Variants in CASZ1 observed in about 807,000 individuals in gnomAD.
CASZ1 encodes the protein castor zinc finger 1.
A neutral mutation model predicts 135.2 loss-of-function variants in CASZ1; 28 were observed. The ratio of observed to expected loss-of-function variants is 0.21; its 90% CI spans 0.15 to 0.28. The LOEUF (loss-of-function observed/expected upper bound fraction) is 0.28. CASZ1 is among the 10% of genes least tolerant of loss of function. The probability of loss-of-function intolerance (pLI) is 1.00; values close to 1 mark genes in which losing one functional copy is unlikely to be tolerated. For synonymous variants in CASZ1, 1,068 were observed against 1,073.4 expected (o/e 0.99, Z 0.10); for missense variants, 2,161 against 2,453.3 (o/e 0.88, Z 2.52).
At chr1:10,656,787 G>A in intron 7 of CASZ1, 51 bp from the exon 8 acceptor site, 1 of 1,046,638 alleles carries the variant, frequency 9.6e-7, no homozygotes, top group Non-Finnish European at 1.4e-6. Context: ...GACAGTCCCA[G>A]CCCCAGCCCC....
At chr1:10,770,539 C>T (rs1244692156) in intron 1 of CASZ1, among the ~76,000 whole-genome samples, 1 of 152,132 alleles carries the variant, frequency 6.6e-6, no homozygotes, top group Non-Finnish European at 1.5e-5. Context: ...GGGGTCCCAG[C>T]CAACTGGGCC....
At chr1:10,714,598 G>A (rs145339433) in intron 2 of CASZ1, among the ~76,000 whole-genome samples, 4 of 152,342 alleles carry the variant, frequency 2.6e-5, no homozygotes, top group East Asian at 1.9e-4. Flanking sequence ...TTTTCCCAGC[G>A]GGGGCTGGAT....
intron 4 of CASZ1, among the ~76,000 whole-genome samples, chr1:10,667,760 GAAGC>G (rs1317757393): frequency 6.6e-6 from 1 of 152,190 alleles, no homozygotes; most frequent in Admixed American, 6.5e-5. Flanking sequence ...GAGGGAAGCA[GAAGC>G]TCCCAGGGCC....
chr1:10,659,469 G>A (rs1349423885), intron 6 of CASZ1, among the ~76,000 whole-genome samples: 1 of 152,242 alleles, frequency 6.6e-6, no homozygotes, highest in Non-Finnish European at 1.5e-5. Context: ...GCTGCAGGAG[G>A]GCTCACGCAT....
Position 10,653,595 on chromosome 1 carries a change from A to G in CASZ1, c.2462T>C (p.Leu821Pro). ...TSLPVGTPSLLGAVSSGSAAS... is the reference protein window; with the variant it reads ...TSLPVGTPSLPGAVSSGSAAS... Reference sequence around the variant, plus strand: ...TGCTGACCCAGACGACACGGCACCCAGGAGGCTGGGGGTGCCCACAGGCAG... The same window carrying G: ...TGCTGACCCAGACGACACGGCACCCGGGAGGCTGGGGGTGCCCACAGGCAG... The change falls in exon 11 of 21, where the codon CTG (leucine) becomes CCG (proline). Residue 821 changes from leucine to proline, a missense_variant. This residue lies in a region of CASZ1 where 406 missense variants were observed against 387.6 expected (regional missense o/e 1.05). Coordinates refer to ENST00000377022, the MANE Select transcript of CASZ1 (RefSeq NM_001079843.3). 1 of 1,558,338 alleles carries G rather than the reference A, an allele frequency of 6.4e-7. No individual in the cohort carries two copies. The highest frequency in any genetic ancestry group is 8.7e-7 in the Non-Finnish European group (1 of 1,150,148).
rs956587512 is a variant in CASZ1 at position 10,735,437 on chromosome 1, G to A, written c.-77+25264C>T. Among the ~76,000 whole-genome samples, 5 of 152,104 alleles carry A rather than the reference G, an allele frequency of 3.3e-5. No individual in the cohort carries two copies. Among genetic ancestry groups the A allele is most frequent in the South Asian group, 4.1e-4 (2 of 4,828 alleles). On this transcript the variant is annotated intron_variant, in intron 2 of 20. Transcript: ENST00000377022. This position sits in a 1 kb window ranked among gnomAD's most constrained non-coding sequence, Gnocchi z 5.1. Reference sequence around the variant, plus strand: ...GGACGGGGGACTGGCGGAGTCAGGCGCCAGGGCTGCCTCCCTCTGCTCCCG... The same window carrying A: ...GGACGGGGGACTGGCGGAGTCAGGCACCAGGGCTGCCTCCCTCTGCTCCCG...
chr1:10,786,839 C>T (rs1640868445), intron 1 of CASZ1, among the ~76,000 whole-genome samples: 1 of 152,122 alleles, frequency 6.6e-6, no homozygotes, highest in African/African-American at 2.4e-5. Context: ...GAAAGGCAGC[C>T]CCCAAATTCA....
At position 10,639,444 on chromosome 1, in the gene CASZ1, C is replaced by T; in HGVS notation, c.4778G>A (p.Arg1593His). ...GCCGCGCTCCTGCTTCTCGTGCTTG[C>T]GCTTGTGCGAGTCCATCTGCGACAT... ...VGMSQMDSHK[R>H]KHEKQERGEP... Residue 1593 changes from arginine (R) to histidine (H), a missense_variant, in exon 21 of 21, where the codon CGC (arginine) becomes CAC (histidine). By Grantham distance (29) the Arg-to-His change is conservative. Transcript: ENST00000377022. This position sits in a 1 kb window ranked among gnomAD's most constrained non-coding sequence, Gnocchi z 4.0. 7 of 1,590,724 alleles carry T rather than the reference C, an allele frequency of 4.4e-6. No individual in the cohort carries two copies. Among genetic ancestry groups the T allele is most frequent in the South Asian group, 1.1e-5 (1 of 87,896 alleles).
At chr1:10,785,797 C>G (rs1264924269) in intron 1 of CASZ1, among the ~76,000 whole-genome samples, 1 of 152,274 alleles carries the variant, frequency 6.6e-6, no homozygotes, top group Non-Finnish European at 1.5e-5. Flanking sequence ...GCTTCATCCT[C>G]CTCCTGCGCC....
At chr1:10,782,178 G>A (rs1045963289) in intron 1 of CASZ1, among the ~76,000 whole-genome samples, 4 of 152,374 alleles carry the variant, frequency 2.6e-5, no homozygotes, top group African/African-American at 9.6e-5. Context: ...CACGACTGGA[G>A]GGGTATTTGA....
chr1:10,743,424 C>G (rs563184666), intron 2 of CASZ1, among the ~76,000 whole-genome samples: 1 of 151,788 alleles, frequency 6.6e-6, no homozygotes, highest in Admixed American at 6.6e-5. Flanking sequence ...TGAAGGAGAG[C>G]CCTGGGAGAG....
chr1:10,743,156 C>T (rs1448534745), intron 2 of CASZ1, among the ~76,000 whole-genome samples: 2 of 152,084 alleles, frequency 1.3e-5, no homozygotes, highest in Non-Finnish European at 2.9e-5. Flanking sequence ...CACTAGAGCC[C>T]TCAGGACAGA....
At chr1:10,680,799 G>C (rs941669025) in intron 4 of CASZ1, among the ~76,000 whole-genome samples, 2 of 152,260 alleles carry the variant, frequency 1.3e-5, no homozygotes, top group South Asian at 4.1e-4. Flanking sequence ...ACTAGGAAGC[G>C]GGAAAGCAGA....
chr1:10,698,632 G>T (rs1022564284), intron 3 of CASZ1, among the ~76,000 whole-genome samples: 1 of 152,188 alleles, frequency 6.6e-6, no homozygotes, highest in African/African-American at 2.4e-5. Context: ...CCTGGAAGAG[G>T]CCCACCATCA....
intron 4 of CASZ1, among the ~76,000 whole-genome samples, chr1:10,675,473 T>C (rs1643537865): frequency 6.6e-6 from 1 of 151,568 alleles, no homozygotes; most frequent in African/African-American, 2.4e-5. Context: ...CAGGCCTGGG[T>C]GGGGAGGCTT....
chr1:10,782,396 G>A (rs1640778669), intron 1 of CASZ1, among the ~76,000 whole-genome samples: 1 of 152,132 alleles, frequency 6.6e-6, no homozygotes, highest in Non-Finnish European at 1.5e-5. Context: ...TACAAACCAG[G>A]GATAAGACCA....
rs956028312 is a variant in CASZ1 at position 10,777,033 on chromosome 1, G to A, written c.-233-16176C>T. Among the ~76,000 whole-genome samples the A allele has an allele frequency of 1.3e-5, 2 of 152,190 alleles. No homozygotes were observed. The highest frequency in any genetic ancestry group is 2.9e-5 in the Non-Finnish European group (2 of 68,032). On this transcript the variant is annotated intron_variant, in intron 1 of 20. Coordinates refer to ENST00000377022, the MANE Select transcript of CASZ1 (RefSeq NM_001079843.3). This position sits in a 1 kb window ranked among gnomAD's most constrained non-coding sequence, Gnocchi z 4.4. Reference sequence around the variant, plus strand: ...CTGAGCCAGTGGGGAAGATGACCGTGTTTCCAAATGGCTCAAATACTGGGT... The same window carrying A: ...CTGAGCCAGTGGGGAAGATGACCGTATTTCCAAATGGCTCAAATACTGGGT...
At chr1:10,795,721 G>A (rs74052507) in intron 1 of CASZ1, among the ~76,000 whole-genome samples, 2,512 of 152,280 alleles carry the variant, frequency 0.016, 69 homozygotes, top group African/African-American at 0.058. Flanking sequence ...GGTGGGGTGG[G>A]GAAGGGAGTG....
rs1234859821 is a variant in CASZ1 at position 10,711,265 on chromosome 1, CATTGAAAAGTGGGGGCCCATGA to C, written c.-76-5743_-76-5722del. ...AACCTCTCCAGGCCCCAGCTTCTTC[CATTGAAAAGTGGGGGCCCATGA>C]GTACCTAGCTCAAAGGAAGTTCATT... is the stretch of plus-strand genomic sequence containing the variant. On this transcript the variant is annotated intron_variant, in intron 2 of 20. Coordinates refer to ENST00000377022, the MANE Select transcript of CASZ1 (RefSeq NM_001079843.3). This position sits in a 1 kb window ranked among gnomAD's most constrained non-coding sequence, Gnocchi z 4.4. Among the ~76,000 whole-genome samples, 11 of 152,210 alleles carry C rather than the reference CATTGAAAAGTGGGGGCCCATGA, an allele frequency of 7.2e-5. No individual in the cohort carries two copies. The highest frequency in any genetic ancestry group is 1.3e-4 in the Non-Finnish European group (9 of 68,034).
Sources: allele counts gnomAD v4.1 joint callset (sites outside exome capture counted in the v4.1 genomes callset), GRCh38; gene constraint gnomAD v4.1.1; regional missense constraint gnomAD v4.1.1; non-coding constraint Gnocchi (gnomAD v3.1); transcripts MANE v1.5; gene names NCBI Gene and HGNC (gene_info 2026-07-23, HGNC 2026-07-21).